SEC31B: variants seen among roughly 807,000 people sequenced by gnomAD.
The protein encoded by SEC31B is SEC31 homolog B, COPII component, also known as protein transport protein Sec31B.
In SEC31B, 113 loss-of-function variants were observed where a neutral mutation model predicts 135.0. That is an observed-to-expected ratio of 0.84 (90% CI 0.72 to 0.98). The LOEUF (loss-of-function observed/expected upper bound fraction) is 0.98. SEC31B is among the 50% of genes least tolerant of loss of function. The probability of loss-of-function intolerance (pLI) is 0.00; values close to 1 mark genes in which losing one functional copy is unlikely to be tolerated. For missense variants in SEC31B, 1,296 were observed against 1,421.1 expected (o/e 0.91, Z 1.42); for synonymous variants, 508 against 549.4 (o/e 0.92, Z 1.05).
rs1188932444 is a variant in SEC31B, at chr10:100,509,024, G to C, written c.478C>G (p.Leu160Val). ...CTGCTCACCTGTGACTTGGATCCCAGGGTCATTGGCACATTCAAGTTATTC... is the reference window on the plus strand; with the variant it reads ...CTGCTCACCTGTGACTTGGATCCCACGGTCATTGGCACATTCAAGTTATTC... The part of the protein sequence containing the change: ...DLNNLNVPMT[L>V]GSKSQQPPED... Residue 160 changes from leucine to valine, a missense_variant, in exon 5 of 26, where the codon CTG (leucine) becomes GTG (valine). Transcript: ENST00000370345. 6.2e-7 allele frequency: 1 copy of C among 1,613,998 alleles called. No individual in the cohort carries two copies. The highest frequency in any genetic ancestry group is 1.1e-5 in the South Asian group (1 of 91,076).
chr10:100,504,005 C>T (rs1851578507), intron 10 of SEC31B, among the ~76,000 whole-genome samples: 1 of 152,236 alleles, frequency 6.6e-6, no homozygotes, highest in Non-Finnish European at 1.5e-5. Context: ...TAAACAAAAC[C>T]ATTTTAACTT....
At position 100,496,183 on chromosome 10, in the gene SEC31B, T is replaced by C. The variant is rs1162623027; in HGVS notation, c.2310+75A>G. The C allele has an allele frequency of 4.6e-6, 7 of 1,506,454 alleles. No homozygotes were observed. The African/African-American group carries it at 9.6e-5, about 21-fold the overall frequency. 93.3% of individuals were successfully genotyped at this position (1,506,454 alleles called of 1,614,324 possible). On this transcript the variant is annotated intron_variant, in intron 18 of 25. Coordinates refer to ENST00000370345, the MANE Select transcript of SEC31B (RefSeq NM_015490.4). The stretch of plus-strand genomic sequence containing the variant: ...GGAGCTTCAGCATTAGCATAGTGCC[T>C]GGAATATGGAAGTGCTCAATCAATG...
At chr10:100,506,285 T>C in intron 8 of SEC31B, 36 bp downstream of exon 8, 1 of 1,613,940 alleles carries the variant, frequency 6.2e-7, no homozygotes, top group Non-Finnish European at 8.5e-7. Flanking sequence ...ACCCTCTCTC[T>C]CCCATCCCAG....
chr10:100,512,470 C>CAGAAT (rs1851753974), intron 3 of SEC31B, among the ~76,000 whole-genome samples: 1 of 152,204 alleles, frequency 6.6e-6, no homozygotes, highest in East Asian at 1.9e-4. Flanking sequence ...CTGACTGCAT[C>CAGAAT]CAGAGGCATT....
At chr10:100,517,663 G>A (rs963398461) in intron 1 of SEC31B, among the ~76,000 whole-genome samples, 2 of 152,194 alleles carry the variant, frequency 1.3e-5, no homozygotes, top group Non-Finnish European at 2.9e-5. Flanking sequence ...ATACTTAATG[G>A]GGGAGGGAAC....
chr10:100,517,721 T>C (rs529120931), intron 1 of SEC31B, among the ~76,000 whole-genome samples: 482 of 152,360 alleles, frequency 3.2e-3, no homozygotes, highest in African/African-American at 0.011. Flanking sequence ...TACCATCTTT[T>C]ATGGTCTTTT....
rs1199997177 is a variant in SEC31B at position 100,489,287 on chromosome 10, C to G, written c.3136G>C (p.Ala1046Pro). The G allele has an allele frequency of 2.5e-6, 4 of 1,612,186 alleles. No homozygotes were observed. Among genetic ancestry groups the G allele is most frequent in the Admixed American group, 1.7e-5 (1 of 59,482 alleles). ...SQPPVSSVSH[A>P]PPGVPGELSL... ...AGTTCTCCTGGAACTCCTGGGGGAG[C>G]ATGACTCACACTGGAGACAGGGGGC... is the stretch of plus-strand genomic sequence containing the variant. The change falls in exon 23 of 26, where the codon GCT (alanine) becomes CCT (proline). Residue 1046 changes from alanine (A) to proline (P), a missense_variant. By Grantham distance (27) the Ala-to-Pro change is conservative. Coordinates refer to ENST00000370345, the MANE Select transcript of SEC31B (RefSeq NM_015490.4).
intron 9 of SEC31B, 185 bp from the exon 10 acceptor site, chr10:100,505,680 TC>T: frequency 7.1e-7 from 1 of 1,414,346 alleles, no homozygotes; most frequent in Non-Finnish European, 9.2e-7. Context: ...GCAAGTAGGC[TC>T]TTGGAAAGAC....
intron 19 of SEC31B, chr10:100,495,181 G>A (rs992171822): frequency 4.3e-5 from 25 of 578,974 alleles, no homozygotes; most frequent in Non-Finnish European, 7.4e-5. Context: ...GCTACTTGAG[G>A]GCAAGTATCA....
Position 100,487,285 on chromosome 10 carries a change from C to T in SEC31B, c.*331G>A. ...CTTAAAAGTAACAATCCTGTTCACC[C>T]TCTCAGAAGCCACTTAAATAGAAGA... On this transcript the variant is annotated 3_prime_UTR_variant, in exon 26 of 26. Transcript: ENST00000370345. 2 of 290,896 alleles carry T rather than the reference C, an allele frequency of 6.9e-6. No homozygotes were observed. Among genetic ancestry groups the T allele is most frequent in the Admixed American group, 9.8e-5 (2 of 20,322 alleles). The allele number at this position is 290,896 out of a possible 1,614,324, so 18.0% of individuals were successfully genotyped here.
chr10:100,495,259 CT>C, intron 19 of SEC31B, 125 bp downstream of exon 19: 1 of 886,038 alleles, frequency 1.1e-6, no homozygotes, highest in Admixed American at 2.2e-5. Flanking sequence ...ATAAAAAGAA[CT>C]GAATCTATGT....
intron 1 of SEC31B, among the ~76,000 whole-genome samples, chr10:100,519,560 G>C (rs1426503116): frequency 6.6e-6 from 1 of 152,264 alleles, no homozygotes; most frequent in Non-Finnish European, 1.5e-5. Context: ...ACCCTCATCC[G>C]GCTGGGGGTT....
intron 10 of SEC31B, among the ~76,000 whole-genome samples, chr10:100,503,185 CA>C (rs1851555206): frequency 6.6e-6 from 1 of 152,204 alleles, no homozygotes; most frequent in South Asian, 2.1e-4. Context: ...ACAACACCCC[CA>C]CCTGGAGTAT....
At chr10:100,498,556 G>A (rs2133681524) in intron 14 of SEC31B, 149 bp downstream of exon 14, 1 of 631,074 alleles carries the variant, frequency 1.6e-6, no homozygotes, top group East Asian at 2.7e-5. Context: ...ACCAGAGAGA[G>A]CTCTAACTGG....
chr10:100,499,531 T>C lies in SEC31B; in HGVS notation c.1478A>G (p.Gln493Arg), dbSNP rs1446802575. The change falls in exon 12 of 26, where the codon CAG becomes CGG. Residue 493 changes from glutamine (Q) to arginine (R), a missense_variant. Coordinates refer to ENST00000370345, the MANE Select transcript of SEC31B (RefSeq NM_015490.4). Reference sequence around the variant, plus strand: ...ATGTGAAAAGCAGCTTACCTTCTTCTGAAGCTCATCTTTACTGTATCCTAA... The same window carrying C: ...ATGTGAAAAGCAGCTTACCTTCTTCCGAAGCTCATCTTTACTGTATCCTAA... ...KLLGYSKDEL[Q>R]KKVATWLKSD... is the part of the protein sequence containing the mutation. 6.2e-7 allele frequency: 1 copy of C among 1,607,778 alleles called. No homozygotes were observed. The highest frequency in any genetic ancestry group is 8.5e-7 in the Non-Finnish European group (1 of 1,177,620).
rs1230711328 is a variant in SEC31B at position 100,499,418 on chromosome 10, T to C, written c.1485+106A>G. 2.7e-6 allele frequency: 3 copies of C among 1,102,130 alleles called. No homozygotes were observed. The East Asian group carries it at 7.1e-5, about 26-fold the overall frequency. The allele number at this position is 1,102,130 out of a possible 1,614,324, so 68.3% of individuals were successfully genotyped here. Reference sequence around the variant, plus strand: ...AACTCCAGGATGTAAAATGCTCACATATGCAATAATAAGGCCAGGAAGAGG... The same window carrying C: ...AACTCCAGGATGTAAAATGCTCACACATGCAATAATAAGGCCAGGAAGAGG... On this transcript the variant is annotated intron_variant, in intron 12 of 25. Transcript: ENST00000370345.
chr10:100,507,467 C>T lies in SEC31B; in HGVS notation c.740G>A (p.Arg247His), dbSNP rs775770577. The change falls in exon 7 of 26, where the codon CGC becomes CAC. Residue 247 changes from arginine (R) to histidine (H), a missense_variant. Transcript: ENST00000370345. ...CACCTTCAAGGGCGAGGAGGCAAAG[C>T]GCAAGTCCCACAGCTGAATCACGGG... Reference protein sequence around the residue: ...RLPVIQLWDLRFASSPLKVLE... With the variant: ...RLPVIQLWDLHFASSPLKVLE... 21 of 1,614,106 alleles carry T rather than the reference C, an allele frequency of 1.3e-5. No homozygotes were observed. Among genetic ancestry groups the T allele is most frequent in the African/African-American group, 1.2e-4 (9 of 74,938 alleles).
At chr10:100,508,283 A>G (rs1007278661) in intron 5 of SEC31B, among the ~76,000 whole-genome samples, 7 of 152,150 alleles carry the variant, frequency 4.6e-5, no homozygotes, top group South Asian at 4.1e-4. Context: ...CTCCTACCCA[A>G]GGTTTTACTA....
At chr10:100,515,769 G>C (rs1339601338) in intron 3 of SEC31B, among the ~76,000 whole-genome samples, 1 of 152,152 alleles carries the variant, frequency 6.6e-6, no homozygotes, top group Non-Finnish European at 1.5e-5. Flanking sequence ...TATTGTGTAA[G>C]GTGTTTATCT....
Sources: allele counts gnomAD v4.1 joint callset (sites outside exome capture counted in the v4.1 genomes callset), GRCh38; gene constraint gnomAD v4.1.1; transcripts MANE v1.5; gene names NCBI Gene and HGNC (gene_info 2026-07-23, HGNC 2026-07-21).